Variants in TBX4 observed in about 807,000 individuals in gnomAD.
TBX4 encodes T-box transcription factor 4.
TBX4 carries 13 observed loss-of-function variants against 54.6 expected under a neutral mutation model. The observed-to-expected ratio is 0.24, with a 90% CI of 0.15 to 0.38. The LOEUF is 0.38. TBX4 is among the 10% of genes least tolerant of loss of function. TBX4 has a pLI of 1.00. For synonymous variants in TBX4, 314 were observed against 306.7 expected (o/e 1.02, Z -0.25); for missense variants, 631 against 728.5 (o/e 0.87, Z 1.54).
At position 61,460,127 on chromosome 17, in the gene TBX4, G is replaced by A. The variant is rs1291795012; in HGVS notation, c.281+2496G>A. The A allele has an allele frequency of 3.3e-5, 5 of 152,484 alleles. No homozygotes were observed. Among genetic ancestry groups the A allele is most frequent in the Non-Finnish European group, 7.3e-5 (5 of 68,258 alleles). The allele number at this position is 152,484 out of a possible 1,614,324, so 9.4% of individuals were successfully genotyped here. ...AACGTAAACCAAACCCCAGAGAAGGGAAGTTAGGCAGTTACCAGGTCCACA... is the reference window on the plus strand; with the variant it reads ...AACGTAAACCAAACCCCAGAGAAGGAAAGTTAGGCAGTTACCAGGTCCACA... On this transcript the variant is annotated intron_variant, in intron 3 of 8. Coordinates refer to ENST00000644296, the MANE Select transcript of TBX4 (RefSeq NM_001321120.2). This position sits in a 1 kb window ranked among gnomAD's most constrained non-coding sequence, Gnocchi z 4.4.
chr17:61,480,394 GCCCCC>G lies in TBX4; in HGVS notation c.1021+82_1021+86del. On this transcript the variant is annotated intron_variant, in intron 8 of 8. Transcript: ENST00000644296. The surrounding 1 kb of genome is among the most constrained non-coding windows in gnomAD (Gnocchi z 6.2). ...GTTCTCCCCGAAACCACTCTGCAGC[GCCCCC>G]CCCCCCAACACACACACACTCATCT... is the stretch of plus-strand genomic sequence containing the variant. 1 of 936,002 alleles carries G rather than the reference GCCCCC, an allele frequency of 1.1e-6. No individual in the cohort carries two copies. Among genetic ancestry groups the G allele is most frequent in the Non-Finnish European group, 1.6e-6 (1 of 621,748 alleles). The allele number at this position is 936,002 out of a possible 1,614,324, so 58.0% of individuals were successfully genotyped here.
chr17:61,483,186 T>A lies in TBX4; in HGVS notation c.1311T>A (p.Thr437=). ...GCTATAGCGTGCAGACGATGGAGAC[T>A]GTGCCGTACCAGCCCTTCCCCACGC... The part of the protein sequence containing the change: ...YTSYSVQTME[T]VPYQPFPTHF... The change falls in exon 9 of 9, where the codon ACT becomes ACA. Residue 437 remains threonine, a synonymous_variant. Coordinates refer to ENST00000644296, the MANE Select transcript of TBX4 (RefSeq NM_001321120.2). The surrounding 1 kb of genome is among the most constrained non-coding windows in gnomAD (Gnocchi z 6.6). The A allele has an allele frequency of 6.2e-7, 1 of 1,614,162 alleles. No individual in the cohort carries two copies. Among genetic ancestry groups the A allele is most frequent in the East Asian group, 2.2e-5 (1 of 44,870 alleles).
In TBX4 at chr17:61,480,118, A is replaced by G; in HGVS notation, c.820A>G (p.Ile274Val). 6.2e-7 allele frequency: 1 copy of G among 1,614,028 alleles called. No homozygotes were observed. The highest frequency in any genetic ancestry group is 1.3e-5 in the African/African-American group (1 of 74,984). Reference sequence around the variant, plus strand: ...AGAATACCCCGTGATTTCCAAAAGCATCATGAGGCAGAGGCTCATCTCCCC... The same window carrying G: ...AGAATACCCCGTGATTTCCAAAAGCGTCATGAGGCAGAGGCTCATCTCCCC... The part of the protein sequence containing the change: ...SKEYPVISKS[I>V]MRQRLISPQL... The change falls in exon 8 of 9, where the codon ATC becomes GTC. Residue 274 changes from isoleucine (I) to valine (V), a missense_variant. Around this residue, in one of 3 missense-constraint regions of TBX4, gnomAD observed 354 missense variants for 368.9 expected, o/e 0.96. Transcript: ENST00000644296. The surrounding 1 kb of genome is among the most constrained non-coding windows in gnomAD (Gnocchi z 6.2).
In TBX4 at chr17:61,480,396, C is replaced by A. The variant is rs768434162; in HGVS notation, c.1021+77C>A. The A allele has an allele frequency of 8.7e-6, 7 of 800,770 alleles. No individual in the cohort carries two copies. The highest frequency in any genetic ancestry group is 1.3e-5 in the Non-Finnish European group (7 of 543,624). 49.6% of individuals were successfully genotyped at this position (800,770 alleles called of 1,614,324 possible). ...TCTCCCCGAAACCACTCTGCAGCGC[C>A]CCCCCCCCCAACACACACACACTCA... is the stretch of plus-strand genomic sequence containing the variant. On this transcript the variant is annotated intron_variant, in intron 8 of 8. Transcript: ENST00000644296. This position sits in a 1 kb window ranked among gnomAD's most constrained non-coding sequence, Gnocchi z 6.2.
intron 5 of TBX4, among the ~76,000 whole-genome samples, chr17:61,477,315 G>A (rs1403070716): frequency 6.6e-6 from 1 of 152,240 alleles, no homozygotes; most frequent in Non-Finnish European, 1.5e-5. Flanking sequence ...TGCTACCGTG[G>A]GGCGCAGCCA....
chr17:61,469,819 T>C (rs530964364), intron 5 of TBX4, among the ~76,000 whole-genome samples: 2 of 152,316 alleles, frequency 1.3e-5, no homozygotes, highest in South Asian at 4.1e-4. Context: ...GTGGGAGTGG[T>C]GAGCTCCCAT....
chr17:61,471,892 A>ATTTT (rs35198276), intron 5 of TBX4, among the ~76,000 whole-genome samples: 10 of 72,948 alleles, frequency 1.4e-4, no homozygotes, highest in Non-Finnish European at 1.9e-4. Context: ...TGCCCAGCTA[A>ATTTT]TTTTTTTTTT....
chr17:61,478,172 C>T lies in TBX4; in HGVS notation c.550-455C>T, dbSNP rs1207640155. On this transcript the variant is annotated intron_variant, in intron 5 of 8. Coordinates refer to ENST00000644296, the MANE Select transcript of TBX4 (RefSeq NM_001321120.2). The surrounding 1 kb of genome is among the most constrained non-coding windows in gnomAD (Gnocchi z 7.4). ...GGGGACCCCTGAGGGAGGGAGGTTA[C>T]ATGTTATGATCCCATTTACAAATGT... is the stretch of plus-strand genomic sequence containing the variant. Among the ~76,000 whole-genome samples the T allele has an allele frequency of 6.6e-6, 1 of 152,018 alleles. No individual in the cohort carries two copies. Among genetic ancestry groups the T allele is most frequent in the Non-Finnish European group, 1.5e-5 (1 of 68,004 alleles).
Position 61,460,977 on chromosome 17 carries a change from G to T in TBX4, c.281+3346G>T, listed in dbSNP as rs1395172733. ...AAGGATTTGGCCCGGCTTAATCCGGGGCTTCAAAGCCAATTGCCCTCACTC... is the reference window on the plus strand; with the variant it reads ...AAGGATTTGGCCCGGCTTAATCCGGTGCTTCAAAGCCAATTGCCCTCACTC... On this transcript the variant is annotated intron_variant, in intron 3 of 8. Transcript: ENST00000644296. The surrounding 1 kb of genome is among the most constrained non-coding windows in gnomAD (Gnocchi z 4.4). 1.3e-5 allele frequency among the ~76,000 whole-genome samples: 2 copies of T among 152,222 alleles called. No individual in the cohort carries two copies. Among genetic ancestry groups the T allele is most frequent in the African/African-American group, 4.8e-5 (2 of 41,452 alleles).
Position 61,482,915 on chromosome 17 carries a change from T to G in TBX4, c.1040T>G (p.Leu347Arg), listed in dbSNP as rs1243830283. 1 of 1,613,846 alleles carries G rather than the reference T, an allele frequency of 6.2e-7. No individual in the cohort carries two copies. Among genetic ancestry groups the G allele is most frequent in the East Asian group, 2.2e-5 (1 of 44,864 alleles). Reference protein sequence around the residue: ...LKRRADGTRHLDLPCKRSYLE... With the variant: ...LKRRADGTRHRDLPCKRSYLE... The stretch of plus-strand genomic sequence containing the variant: ...CTTTCAGCAGACGGTACCCGCCACC[T>G]GGACTTACCTTGCAAGCGATCCTAT... The change falls in exon 9 of 9, where the codon CTG (leucine) becomes CGG (arginine). Residue 347 changes from leucine (L) to arginine (R), a missense_variant. By Grantham distance (102) the Leu-to-Arg change is moderately radical. Coordinates refer to ENST00000644296, the MANE Select transcript of TBX4 (RefSeq NM_001321120.2).
At chr17:61,470,816 TG>T (rs1397075844) in intron 5 of TBX4, among the ~76,000 whole-genome samples, 1 of 152,238 alleles carries the variant, frequency 6.6e-6, no homozygotes, top group Non-Finnish European at 1.5e-5. Context: ...AGCAGGGTCC[TG>T]TGCCCGGCGA....
In TBX4 at chr17:61,483,175, A is replaced by G. The variant is rs1363903616; in HGVS notation, c.1300A>G (p.Thr434Ala). 4 of 1,614,122 alleles carry G rather than the reference A, an allele frequency of 2.5e-6. No individual in the cohort carries two copies. Among genetic ancestry groups the G allele is most frequent in the Middle Eastern group, 1.6e-4 (1 of 6,062 alleles). The change falls in exon 9 of 9, where the codon ACG becomes GCG. Residue 434 changes from threonine (T) to alanine (A), a missense_variant. Around this residue, in one of 3 missense-constraint regions of TBX4, gnomAD observed 354 missense variants for 368.9 expected, o/e 0.96. Coordinates refer to ENST00000644296, the MANE Select transcript of TBX4 (RefSeq NM_001321120.2). This position sits in a 1 kb window ranked among gnomAD's most constrained non-coding sequence, Gnocchi z 6.6. ...GCCGTACACCAGCTATAGCGTGCAG[A>G]CGATGGAGACTGTGCCGTACCAGCC... is the stretch of plus-strand genomic sequence containing the variant. The part of the protein sequence containing the change: ...VSPYTSYSVQ[T>A]METVPYQPFP...
Position 61,457,072 on chromosome 17 carries a change from A to G in TBX4, c.186+396A>G, listed in dbSNP as rs2143794291. On this transcript the variant is annotated intron_variant, in intron 2 of 8. Transcript: ENST00000644296. The surrounding 1 kb of genome is among the most constrained non-coding windows in gnomAD (Gnocchi z 8.2). ...GGTGCGCACGGGAGCCGCTGCGGGG[A>G]TCCGAGGCCTCTGGGACGTCGCCGA... Among the ~76,000 whole-genome samples, 1 of 152,258 alleles carries G rather than the reference A, an allele frequency of 6.6e-6. No individual in the cohort carries two copies. The highest frequency in any genetic ancestry group is 6.5e-5 in the Admixed American group (1 of 15,302).
intron 1 of TBX4, among the ~76,000 whole-genome samples, chr17:61,454,686 G>A (rs529605935): frequency 6.6e-6 from 1 of 152,388 alleles, no homozygotes; most frequent in East Asian, 1.9e-4. Flanking sequence ...CGGGACCGGC[G>A]TCAGTGGACG....
At position 61,472,186 on chromosome 17, in the gene TBX4, G is replaced by A. The variant is rs981079585; in HGVS notation, c.549+4529G>A. 1.3e-5 allele frequency among the ~76,000 whole-genome samples: 2 copies of A among 152,166 alleles called. No individual in the cohort carries two copies. The highest frequency in any genetic ancestry group is 4.8e-5 in the African/African-American group (2 of 41,438). ...ATTTTATGCTGTGCCAAGTATATCT[G>A]TGAGATAAATGGCCTGTTCAAAGGG... On this transcript the variant is annotated intron_variant, in intron 5 of 8. Coordinates refer to ENST00000644296, the MANE Select transcript of TBX4 (RefSeq NM_001321120.2). The surrounding 1 kb of genome is among the most constrained non-coding windows in gnomAD (Gnocchi z 4.5).
chr17:61,483,480 A>G lies in TBX4; in HGVS notation c.1605A>G (p.Ser535=), dbSNP rs1406500252. The G allele has an allele frequency of 1.9e-6, 3 of 1,614,186 alleles. No homozygotes were observed. The highest frequency in any genetic ancestry group is 1.7e-5 in the Admixed American group (1 of 60,026). The change falls in exon 9 of 9, where the codon TCA becomes TCG. Residue 535 remains serine (S), a synonymous_variant. Coordinates refer to ENST00000644296, the MANE Select transcript of TBX4 (RefSeq NM_001321120.2). This position sits in a 1 kb window ranked among gnomAD's most constrained non-coding sequence, Gnocchi z 6.6. The part of the protein sequence containing the change: ...LSRESSLQYH[S]GMGTVENWTD... ...GAGAATCTTCCTTACAGTACCATTC[A>G]GGAATGGGGACTGTGGAGAACTGGA...
chr17:61,463,842 C>T (rs1010073954), intron 3 of TBX4, among the ~76,000 whole-genome samples: 4 of 152,050 alleles, frequency 2.6e-5, no homozygotes, highest in Admixed American at 2.6e-4. Context: ...CTGCAGGGGG[C>T]GGGATTCTTG....
rs543306354 is a variant in TBX4 at position 61,455,400 on chromosome 17, G to A, written c.-3-1088G>A. Among the ~76,000 whole-genome samples the A allele has an allele frequency of 7.2e-5, 11 of 152,346 alleles. No individual in the cohort carries two copies. The East Asian group carries it at 2.1e-3, about 29-fold the overall frequency. ...TCCGCTGGAGCGCCCAGGTCCAGCA[G>A]GATGGGGAAGAGCAGGGAGGTGGAA... On this transcript the variant is annotated intron_variant, in intron 1 of 8. Coordinates refer to ENST00000644296, the MANE Select transcript of TBX4 (RefSeq NM_001321120.2).
rs2060524776 is a variant in TBX4, at chr17:61,465,038, C to T, written c.282-781C>T. ...TATCCTCATTTTAGAGATAAGGAAACCAAGGCACAGAGAGGTTCAAGCAAG... is the reference window on the plus strand; with the variant it reads ...TATCCTCATTTTAGAGATAAGGAAATCAAGGCACAGAGAGGTTCAAGCAAG... On this transcript the variant is annotated intron_variant, in intron 3 of 8. Coordinates refer to ENST00000644296, the MANE Select transcript of TBX4 (RefSeq NM_001321120.2). This position sits in a 1 kb window ranked among gnomAD's most constrained non-coding sequence, Gnocchi z 4.9. Among the ~76,000 whole-genome samples, 1 of 152,122 alleles carries T rather than the reference C, an allele frequency of 6.6e-6. No individual in the cohort carries two copies. The highest frequency in any genetic ancestry group is 2.4e-5 in the African/African-American group (1 of 41,400).
Sources: allele counts gnomAD v4.1 joint callset (sites outside exome capture counted in the v4.1 genomes callset), GRCh38; gene constraint gnomAD v4.1.1; regional missense constraint gnomAD v4.1.1; non-coding constraint Gnocchi (gnomAD v3.1); transcripts MANE v1.5; gene names NCBI Gene and HGNC (gene_info 2026-07-23, HGNC 2026-07-21).